Variants in PDCD6IP observed in about 807,000 individuals in gnomAD.
PDCD6IP encodes programmed cell death 6 interacting protein.
In PDCD6IP, 43 loss-of-function variants were observed where a neutral mutation model predicts 103.7. The observed-to-expected ratio is 0.41, with a 90% CI of 0.32 to 0.53. The LOEUF (loss-of-function observed/expected upper bound fraction) is 0.53. Among genes scored for constraint, PDCD6IP ranks in the 20% least tolerant of loss-of-function variants. The probability of loss-of-function intolerance (pLI) is 0.16; values close to 1 mark genes in which losing one functional copy is unlikely to be tolerated. For missense variants in PDCD6IP, 871 were observed against 1,036.7 expected, an observed-to-expected ratio of 0.84 and a Z score of 2.20; for synonymous variants, 354 against 378.7, an observed-to-expected ratio of 0.93 and a Z score of 0.76.
chr3:33,852,423 C>A, intron 12 of PDCD6IP, 65 bp from the exon 13 acceptor site: 2 of 1,472,316 alleles, frequency 1.4e-6, no homozygotes, highest in South Asian at 2.8e-5. Flanking sequence ...ATATTATTTC[C>A]TTCTCGAAAT....
chr3:33,808,228 C>T (rs971737398), intron 1 of PDCD6IP, among the ~76,000 whole-genome samples: 1 of 152,058 alleles, frequency 6.6e-6, no homozygotes, highest in Non-Finnish European at 1.5e-5. Context: ...GTTCAGGGAC[C>T]TGAGAGATTA....
rs1559775038 is a variant in PDCD6IP, at chr3:33,814,610, T to TGTGC, written c.334+982_334+983insGTGC. ...ATATTATATGTATATATGTATTATA[T>TGTGC]ATGCACATATAATGTGTATTATATG... On this transcript the variant is annotated intron_variant, in intron 3 of 17. Transcript: ENST00000307296. 8.8e-5 allele frequency among the ~76,000 whole-genome samples: 13 copies of TGTGC among 148,164 alleles called. No homozygotes were observed. The East Asian group carries it at 2.5e-3, about 29-fold the overall frequency.
intron 3 of PDCD6IP, among the ~76,000 whole-genome samples, chr3:33,817,965 C>T (rs1015884575): frequency 6.6e-6 from 1 of 151,586 alleles, no homozygotes; most frequent in Non-Finnish European, 1.5e-5. Context: ...TTATACATGA[C>T]AAATTGTCAA....
chr3:33,808,710 T>G (rs1696651917), intron 1 of PDCD6IP, among the ~76,000 whole-genome samples: 1 of 152,188 alleles, frequency 6.6e-6, no homozygotes, highest in Non-Finnish European at 1.5e-5. Flanking sequence ...CTGCAGTCAG[T>G]TTTCTACACA....
intron 4 of PDCD6IP, among the ~76,000 whole-genome samples, chr3:33,823,210 T>G (rs1000985128): frequency 6.6e-6 from 1 of 152,180 alleles, no homozygotes; most frequent in African/African-American, 2.4e-5. Flanking sequence ...GTTTCAATAG[T>G]TCTGATTCCA....
intron 9 of PDCD6IP, among the ~76,000 whole-genome samples, chr3:33,841,433 C>CTTTTTTTTTTTTT (rs1301369045): frequency 6.6e-5 from 4 of 60,946 alleles, no homozygotes; most frequent in African/African-American, 7.3e-5. Flanking sequence ...CTTTGCTTTG[C>CTTTTTTTTTTTTT]TTTTTTTTTT....
chr3:33,819,230 C>T (rs566794984), intron 3 of PDCD6IP, among the ~76,000 whole-genome samples: 1 of 152,032 alleles, frequency 6.6e-6, no homozygotes, highest in South Asian at 2.1e-4. Context: ...TTTCCTTCCT[C>T]CGCCCTTAAA....
intron 4 of PDCD6IP, 56 bp from the exon 5 acceptor site, chr3:33,825,131 G>A: frequency 7.0e-7 from 1 of 1,433,270 alleles, no homozygotes; most frequent in Middle Eastern, 1.8e-4. Flanking sequence ...ATATGTAACA[G>A]TAGGAAATTA....
chr3:33,808,256 A>G (rs1359196716), intron 1 of PDCD6IP, among the ~76,000 whole-genome samples: 2 of 152,214 alleles, frequency 1.3e-5, no homozygotes, highest in East Asian at 1.9e-4. Context: ...AGGGGCAACT[A>G]ATTTTAAAAA....
chr3:33,845,917 G>C (rs1407131290), intron 12 of PDCD6IP, among the ~76,000 whole-genome samples: 2 of 152,300 alleles, frequency 1.3e-5, no homozygotes, highest in East Asian at 3.9e-4. Flanking sequence ...ACTGGGTATA[G>C]CCAGATACAC....
At chr3:33,861,623 T>C (rs1324576585) in intron 15 of PDCD6IP, among the ~76,000 whole-genome samples, 1 of 152,230 alleles carries the variant, frequency 6.6e-6, no homozygotes, top group African/African-American at 2.4e-5. Flanking sequence ...TCAGTTGATA[T>C]TGTCAAATAG....
At chr3:33,811,192 G>T in intron 1 of PDCD6IP, 1 of 250,522 alleles carries the variant, frequency 4.0e-6, no homozygotes, top group South Asian at 3.6e-5. Context: ...GCCCTTTCAG[G>T]TATTTGTATC....
rs192741617 is a variant in PDCD6IP, at chr3:33,859,203, T to C, written c.2120+3943T>C. Among the ~76,000 whole-genome samples the C allele has an allele frequency of 1.8e-3, 274 of 152,298 alleles. 1 individual carries two copies. Among genetic ancestry groups the C allele is most frequent in the African/African-American group, 5.8e-3 (241 of 41,562 alleles). The stretch of plus-strand genomic sequence containing the variant: ...TGCCCAGCCATTTAGAAAATAAAAG[T>C]TATCTTTATACCAGAGTAAGTTCTG... On this transcript the variant is annotated intron_variant, in intron 15 of 17. Coordinates refer to ENST00000307296, the MANE Select transcript of PDCD6IP (RefSeq NM_013374.6).
At chr3:33,831,758 TAGAC>T (rs1697249596) in intron 7 of PDCD6IP, among the ~76,000 whole-genome samples, 2 of 142,452 alleles carry the variant, frequency 1.4e-5, no homozygotes, top group East Asian at 2.3e-4. Context: ...AATATATACA[TAGAC>T]AGCACACACA....
intron 15 of PDCD6IP, among the ~76,000 whole-genome samples, chr3:33,855,785 A>G (rs974271621): frequency 6.6e-6 from 1 of 152,254 alleles, no homozygotes; most frequent in African/African-American, 2.4e-5. Context: ...ATAGATGAAG[A>G]ACATTTACCA....
intron 10 of PDCD6IP, among the ~76,000 whole-genome samples, chr3:33,842,666 C>A (rs947171231): frequency 1.3e-5 from 2 of 151,990 alleles, no homozygotes; most frequent in Non-Finnish European, 2.9e-5. Flanking sequence ...TTTACAGAGT[C>A]TTTGCAAATT....
In PDCD6IP at chr3:33,798,943, C is replaced by T; in HGVS notation, c.209+6C>T. The stretch of plus-strand genomic sequence containing the variant: ...GCGCTCGAGACGCTCCTGAGGTGGG[C>T]GCGGGGCTGGGAGTGGGTAGGTTGT... On this transcript the variant is annotated splice_donor_region_variant and intron_variant, in intron 1 of 17. Transcript: ENST00000307296. 1 of 1,523,206 alleles carries T rather than the reference C, an allele frequency of 6.6e-7. No homozygotes were observed. Among genetic ancestry groups the T allele is most frequent in the Non-Finnish European group, 8.9e-7 (1 of 1,127,446 alleles). The allele number at this position is 1,523,206 out of a possible 1,614,324, so 94.4% of individuals were successfully genotyped here.
chr3:33,812,092 C>A lies in PDCD6IP; in HGVS notation c.230C>A (p.Ser77Tyr). The A allele has an allele frequency of 6.3e-7, 1 of 1,596,566 alleles. No individual in the cohort carries two copies. The highest frequency in any genetic ancestry group is 8.5e-7 in the Non-Finnish European group (1 of 1,172,254). ...TTTAGATATTATGATCAGATTTGTT[C>A]TATTGAACCCAAATTCCCATTTTCT... ...TLLRYYDQIC[S>Y]IEPKFPFSEN... is the part of the protein sequence containing the mutation. Residue 77 changes from serine to tyrosine, a missense_variant, in exon 2 of 18, where the codon TCT becomes TAT. Physicochemically the swap from Ser to Tyr is moderately radical, Grantham distance 144. This residue lies in a region of PDCD6IP where 114 missense variants were observed against 106.7 expected (regional missense o/e 1.07). Coordinates refer to ENST00000307296, the MANE Select transcript of PDCD6IP (RefSeq NM_013374.6).
intron 8 of PDCD6IP, 74 bp downstream of exon 8, chr3:33,836,340 C>T: frequency 2.5e-6 from 2 of 788,366 alleles, no homozygotes; most frequent in East Asian, 2.5e-5. Flanking sequence ...CTAAAAATCA[C>T]ATAATTGCTG....
Sources: gnomAD v4.1 joint callset for allele counts (sites outside exome capture counted in the v4.1 genomes callset) on GRCh38, gnomAD v4.1.1 for gene constraint, gnomAD v4.1.1 regional missense constraint, MANE v1.5 for transcripts, NCBI Gene and HGNC (gene_info 2026-07-23, HGNC 2026-07-21) for gene names.